BAZ2B: variants seen among roughly 807,000 people sequenced by gnomAD.
The protein encoded by BAZ2B is bromodomain adjacent to zinc finger domain 2B, also known as bromodomain adjacent to zinc finger domain protein 2B.
In BAZ2B, 91 loss-of-function variants were observed where a neutral mutation model predicts 246.0. That is an observed-to-expected ratio of 0.37 (90% CI 0.31 to 0.44). The LOEUF (loss-of-function observed/expected upper bound fraction) is 0.44, where lower values mean the gene tolerates loss of function less well. BAZ2B is among the 20% of genes least tolerant of loss of function. The pLI is 1.00. For synonymous variants in BAZ2B, 855 were observed against 860.0 expected (o/e 0.99, Z 0.10); for missense variants, 2,332 against 2,533.7 (o/e 0.92, Z 1.71).
intron 1 of BAZ2B, among the ~76,000 whole-genome samples, chr2:159,589,057 C>A (rs1367629677): frequency 6.6e-6 from 1 of 152,140 alleles, no homozygotes; most frequent in African/African-American, 2.4e-5. Flanking sequence ...TCAAGATGAT[C>A]TTTTAAAATG....
At chr2:159,615,833 CGGCGGACT>C (rs1356803178) in intron 1 of BAZ2B, 1 of 152,494 alleles carries the variant, frequency 6.6e-6, no homozygotes, top group Non-Finnish European at 1.5e-5. Flanking sequence ...GGCACAAAGG[CGGCGGACT>C]CGCGGCGGCA....
intron 1 of BAZ2B, among the ~76,000 whole-genome samples, chr2:159,588,206 C>T (rs1255638131): frequency 8.2e-6 from 1 of 122,036 alleles, no homozygotes; most frequent in Non-Finnish European, 1.7e-5. Flanking sequence ...CAGACCAAGA[C>T]CCTGCATCAA....
chr2:159,387,913 C>G (rs2062829087), intron 21 of BAZ2B, among the ~76,000 whole-genome samples: 1 of 151,970 alleles, frequency 6.6e-6, no homozygotes, highest in Non-Finnish European at 1.5e-5. Context: ...AGTAAGTATA[C>G]TCTCATTTTT....
Position 159,339,693 on chromosome 2 carries a change from TA to T in BAZ2B, c.5455-1922del, listed in dbSNP as rs146413405. On this transcript the variant is annotated intron_variant, in intron 31 of 36. Transcript: ENST00000392783. ...AAATGCCCATCAACAGATGAATGGA[TA>T]AAGAAAATGCAGTATATTTATAGGA... Among the ~76,000 whole-genome samples, 1,229 of 152,188 alleles carry T rather than the reference TA, an allele frequency of 8.1e-3. 24 individuals are homozygous for T. The highest frequency in any genetic ancestry group is 0.035 in the East Asian group (182 of 5,176).
At chr2:159,672,954 A>G in the BAZ2B span, among the ~76,000 whole-genome samples, 1 of 152,202 alleles carries the variant, frequency 6.6e-6, no homozygotes, top group Non-Finnish European at 1.5e-5. Flanking sequence ...AGGTATTGAG[A>G]AAGACTTTAT....
intron 2 of BAZ2B, among the ~76,000 whole-genome samples, chr2:159,508,679 A>G (rs2082592199): frequency 6.6e-6 from 1 of 152,100 alleles, no homozygotes; most frequent in South Asian, 2.1e-4. Context: ...CAATCTCCCT[A>G]TGCATTACAT....
intron 1 of BAZ2B, among the ~76,000 whole-genome samples, chr2:159,594,338 C>T (rs1404132213): frequency 1.3e-5 from 2 of 152,114 alleles, no homozygotes; most frequent in Non-Finnish European, 2.9e-5. Context: ...ACCCGGGAGG[C>T]GGAGCTTGCA....
At chr2:159,376,642 G>A (rs2061440097) in intron 25 of BAZ2B, among the ~76,000 whole-genome samples, 1 of 152,068 alleles carries the variant, frequency 6.6e-6, no homozygotes, top group Non-Finnish European at 1.5e-5. Flanking sequence ...CTGATCAGCA[G>A]GACAAATGTC....
At chr2:159,476,281 C>T (rs1306076676) in intron 3 of BAZ2B, among the ~76,000 whole-genome samples, 1 of 151,744 alleles carries the variant, frequency 6.6e-6, no homozygotes, top group Non-Finnish European at 1.5e-5. Flanking sequence ...ATTTTACCTA[C>T]AAAATGAAAA....
intron 1 of BAZ2B, among the ~76,000 whole-genome samples, chr2:159,602,777 T>C (rs1692464578): frequency 1.3e-5 from 2 of 152,196 alleles, no homozygotes; most frequent in South Asian, 2.1e-4. Flanking sequence ...AAATGAATCC[T>C]ACAGAAATAA....
intron 3 of BAZ2B, among the ~76,000 whole-genome samples, chr2:159,455,766 T>TC (rs2075679205): frequency 7.8e-6 from 1 of 128,026 alleles, no homozygotes; most frequent in African/African-American, 2.9e-5. Flanking sequence ...TATTGTGGTT[T>TC]TTTTTTTTTT....
the BAZ2B span, among the ~76,000 whole-genome samples, chr2:159,664,767 C>CATCGTCTCAGCCCAAAA: frequency 1.7e-5 from 2 of 117,918 alleles, no homozygotes; most frequent in Admixed American, 9.6e-5. Flanking sequence ...ATTGTAGATT[C>CATCGTCTCAGCCCAAAA]TGGATATTAG....
intron 2 of BAZ2B, among the ~76,000 whole-genome samples, chr2:159,528,214 A>G (rs2084958723): frequency 6.6e-6 from 1 of 152,178 alleles, no homozygotes; most frequent in African/African-American, 2.4e-5. Flanking sequence ...ATGAACTTGG[A>G]CACAGCAAGA....
intron 20 of BAZ2B, among the ~76,000 whole-genome samples, chr2:159,391,931 T>C (rs904659304): frequency 3.3e-5 from 5 of 152,156 alleles, no homozygotes; most frequent in Non-Finnish European, 7.4e-5. Context: ...ATAGAACTAA[T>C]ACAAATTCTG....
chr2:159,676,627 T>C, the BAZ2B span, among the ~76,000 whole-genome samples: 492 of 132,258 alleles, frequency 3.7e-3, 3 homozygotes, highest in Non-Finnish European at 5.9e-3. Context: ...CCAGCATGGG[T>C]AACACAGTGG....
intron 27 of BAZ2B, among the ~76,000 whole-genome samples, chr2:159,354,717 T>C (rs2058914220): frequency 6.6e-6 from 1 of 152,194 alleles, no homozygotes; most frequent in East Asian, 1.9e-4. Context: ...TCTTTAATTT[T>C]AAATTGTTTT....
At chr2:159,587,736 T>G (rs1435520882) in intron 1 of BAZ2B, among the ~76,000 whole-genome samples, 1 of 152,172 alleles carries the variant, frequency 6.6e-6, no homozygotes, top group Non-Finnish European at 1.5e-5. Context: ...ATATAGTAAT[T>G]ATTTACATGA....
intron 27 of BAZ2B, among the ~76,000 whole-genome samples, chr2:159,368,255 G>A (rs1478844938): frequency 1.3e-5 from 2 of 152,052 alleles, no homozygotes; most frequent in Non-Finnish European, 2.9e-5. Flanking sequence ...GTCTTGCTAC[G>A]TTGCCCAGGC....
chr2:159,438,167 C>T (rs2072758730), intron 8 of BAZ2B, 136 bp downstream of exon 8: 1 of 801,590 alleles, frequency 1.2e-6, no homozygotes, highest in African/African-American at 1.7e-5. Context: ...TTCTGCTGTA[C>T]ATATTCTATT....
Sources: allele counts gnomAD v4.1 joint callset (sites outside exome capture counted in the v4.1 genomes callset), GRCh38; gene constraint gnomAD v4.1.1; transcripts MANE v1.5; gene names NCBI Gene and HGNC (gene_info 2026-07-23, HGNC 2026-07-21).